The following C1QTNF3 variants were observed in gnomAD, a reference collection of about 807,000 sequenced individuals.
C1QTNF3 encodes C1q and TNF related 3.
In C1QTNF3, 26 loss-of-function variants were observed where a neutral mutation model predicts 32.6. That is an observed-to-expected ratio of 0.80 (90% CI 0.58 to 1.11). The LOEUF (loss-of-function observed/expected upper bound fraction) is 1.11. Ranked by LOEUF, C1QTNF3 falls within the 50% of genes least tolerant of loss-of-function variation. The probability of loss-of-function intolerance (pLI) is 0.00; values close to 1 mark genes in which losing one functional copy is unlikely to be tolerated. For missense variants in C1QTNF3, 362 were observed against 398.2 expected (o/e 0.91, Z 0.77); for synonymous variants, 155 against 146.0 (o/e 1.06, Z -0.44).
chr5:34,056,399 C>CAT, the C1QTNF3 span, among the ~76,000 whole-genome samples: 22 of 127,474 alleles, frequency 1.7e-4, no homozygotes, highest in East Asian at 9.2e-4. Context: ...TTTACCATGA[C>CAT]ATATATATAT....
chr5:34,125,617 G>A, the C1QTNF3 span, among the ~76,000 whole-genome samples: 1 of 151,766 alleles, frequency 6.6e-6, no homozygotes, highest in African/African-American at 2.4e-5. Flanking sequence ...ACAGCACATT[G>A]TCTGCACATT....
At chr5:34,028,252 A>G (rs1200264986) in intron 4 of C1QTNF3, among the ~76,000 whole-genome samples, 1 of 152,216 alleles carries the variant, frequency 6.6e-6, no homozygotes, top group African/African-American at 2.4e-5. Context: ...GATTACAGGC[A>G]TGAGCCACCG....
At chr5:34,052,565 A>T in the C1QTNF3 span, among the ~76,000 whole-genome samples, 1 of 152,218 alleles carries the variant, frequency 6.6e-6, no homozygotes. Context: ...TTGACTTTCT[A>T]GCTGTTACTT....
chr5:34,142,258 CT>C, the C1QTNF3 span, among the ~76,000 whole-genome samples: 1 of 152,130 alleles, frequency 6.6e-6, no homozygotes, highest in South Asian at 2.1e-4. Context: ...ATGTGAAACC[CT>C]GTCTCTACTA....
At chr5:34,171,058 T>C in the C1QTNF3 span, among the ~76,000 whole-genome samples, 1 of 152,130 alleles carries the variant, frequency 6.6e-6, no homozygotes, top group Non-Finnish European at 1.5e-5. Flanking sequence ...CACACACTGC[T>C]GTGACAGCCC....
At chr5:34,116,041 T>C in the C1QTNF3 span, among the ~76,000 whole-genome samples, 3 of 152,270 alleles carry the variant, frequency 2.0e-5, no homozygotes, top group South Asian at 6.2e-4. Flanking sequence ...ACTGCTTTAG[T>C]TTTTTGTATA....
the C1QTNF3 span, among the ~76,000 whole-genome samples, chr5:34,179,482 AAAAC>A: frequency 1.3e-5 from 2 of 151,770 alleles, no homozygotes; most frequent in African/African-American, 4.8e-5. Flanking sequence ...ACCCTGCCCC[AAAAC>A]AAACAAACAA....
chr5:34,226,284 T>C, the C1QTNF3 span, among the ~76,000 whole-genome samples: 1 of 151,946 alleles, frequency 6.6e-6, no homozygotes, highest in Non-Finnish European at 1.5e-5. Context: ...ATTAAAGCTA[T>C]TGTGAGGGCT....
chr5:34,031,031 C>A (rs977502789), intron 3 of C1QTNF3, among the ~76,000 whole-genome samples: 2 of 151,892 alleles, frequency 1.3e-5, no homozygotes, highest in African/African-American at 4.8e-5. Flanking sequence ...CAAATCCCCA[C>A]GACACAAGTT....
the C1QTNF3 span, among the ~76,000 whole-genome samples, chr5:34,131,081 T>A: frequency 2.0e-5 from 3 of 152,232 alleles, no homozygotes; most frequent in African/African-American, 7.2e-5. Context: ...TTATTACATA[T>A]AAAAATGCAA....
At chr5:34,177,126 G>C in the C1QTNF3 span, among the ~76,000 whole-genome samples, 2 of 151,740 alleles carry the variant, frequency 1.3e-5, no homozygotes, top group Admixed American at 6.6e-5. Context: ...CCAGGAGGTT[G>C]AGCAGTGAGC....
chr5:34,070,257 AG>A, the C1QTNF3 span, among the ~76,000 whole-genome samples: 1 of 152,198 alleles, frequency 6.6e-6, no homozygotes, highest in Non-Finnish European at 1.5e-5. Context: ...CACTTCTGTC[AG>A]TATGAATCCC....
chr5:34,076,078 TACAG>T, the C1QTNF3 span, among the ~76,000 whole-genome samples: 1 of 151,662 alleles, frequency 6.6e-6, no homozygotes, highest in Non-Finnish European at 1.5e-5. Flanking sequence ...ATCAGAATCA[TACAG>T]ACAGAAAGTA....
the C1QTNF3 span, among the ~76,000 whole-genome samples, chr5:34,123,462 T>C: frequency 3.3e-5 from 5 of 152,012 alleles, no homozygotes; most frequent in Admixed American, 3.3e-4. Flanking sequence ...ATCTCAGAAA[T>C]TGAGGTCACA....
At position 34,042,971 on chromosome 5, in the gene C1QTNF3, G is replaced by C; in HGVS notation, c.155C>G (p.Ser52Cys). The C allele has an allele frequency of 6.2e-7, 1 of 1,614,164 alleles. No homozygotes were observed. Among genetic ancestry groups the C allele is most frequent in the Non-Finnish European group, 8.5e-7 (1 of 1,180,026 alleles). ...QSHQQTGRSG[S>C]RREKVRERSH... ...CCGCTCTCTCACTTTCTCCCTCCTG[G>C]AGCCGCTACGGCCAGTCTGCTGGTG... Residue 52 changes from serine to cysteine, a missense_variant, in exon 1 of 6, where the codon TCC becomes TGC. Coordinates refer to ENST00000382065, the MANE Select transcript of C1QTNF3 (RefSeq NM_181435.6).
the C1QTNF3 span, among the ~76,000 whole-genome samples, chr5:34,081,518 AT>A: frequency 1.3e-5 from 2 of 151,642 alleles, no homozygotes; most frequent in Non-Finnish European, 2.9e-5. Flanking sequence ...ATTCTTAATT[AT>A]TTATTTTTTG....
the C1QTNF3 span, among the ~76,000 whole-genome samples, chr5:34,093,170 A>G: frequency 2.0e-5 from 3 of 152,176 alleles, 1 homozygote; most frequent in South Asian, 6.2e-4. Flanking sequence ...TAGCTACAAT[A>G]TATGTTTTGA....
At chr5:34,214,166 A>C in the C1QTNF3 span, among the ~76,000 whole-genome samples, 1 of 152,026 alleles carries the variant, frequency 6.6e-6, no homozygotes, top group Non-Finnish European at 1.5e-5. Flanking sequence ...CATACAATTA[A>C]GACTTTGATA....
At chr5:34,159,285 ACATGCAACTCATTC>A in the C1QTNF3 span, among the ~76,000 whole-genome samples, 1 of 152,116 alleles carries the variant, frequency 6.6e-6, no homozygotes, top group East Asian at 1.9e-4. Flanking sequence ...TTGAACAAAG[ACATGCAACTCATTC>A]CAGAGGAATG....
Sources: gnomAD v4.1 joint callset for allele counts (sites outside exome capture counted in the v4.1 genomes callset) on GRCh38, gnomAD v4.1.1 for gene constraint, MANE v1.5 for transcripts, NCBI Gene and HGNC (gene_info 2026-07-23, HGNC 2026-07-21) for gene names.